KCNMB2: variants seen among roughly 807,000 people sequenced by gnomAD.
KCNMB2 encodes the protein calcium-activated potassium channel subunit beta-2.
Under a neutral mutation model 24.5 loss-of-function variants are expected in KCNMB2, and 9 were observed. The observed-to-expected ratio is 0.37, with a 90% CI of 0.22 to 0.64. The LOEUF (loss-of-function observed/expected upper bound fraction) is 0.64, where lower values mean the gene tolerates loss of function less well. Among genes scored for constraint, KCNMB2 ranks in the 30% least tolerant of loss-of-function variants. The pLI, the probability that KCNMB2 is intolerant of heterozygous loss-of-function variation, is 0.63. For missense variants in KCNMB2, 226 were observed against 284.3 expected (o/e 0.79, Z 1.47); for synonymous variants, 109 against 104.4 (o/e 1.04, Z -0.27).
intron 1 of KCNMB2, among the ~76,000 whole-genome samples, chr3:178,595,078 A>C (rs1717820073): frequency 6.8e-6 from 1 of 146,150 alleles, no homozygotes; most frequent in African/African-American, 2.6e-5. Context: ...AAAAAAAATC[A>C]ATACATCAAT....
At chr3:178,608,271 A>G (rs557029704) in intron 1 of KCNMB2, among the ~76,000 whole-genome samples, 7 of 152,340 alleles carry the variant, frequency 4.6e-5, no homozygotes, top group African/African-American at 1.7e-4. Flanking sequence ...GGCTGGCAAT[A>G]ATCATTTATT....
intron 1 of KCNMB2, among the ~76,000 whole-genome samples, chr3:178,542,133 G>A (rs566664147): frequency 1.4e-4 from 22 of 152,166 alleles, no homozygotes; most frequent in Non-Finnish European, 2.6e-4. Context: ...CTGTAAGGGC[G>A]CATCCTTCTA....
intron 1 of KCNMB2, among the ~76,000 whole-genome samples, chr3:178,550,457 CAAAAAAAAA>C (rs71671909): frequency 2.2e-5 from 1 of 46,020 alleles, no homozygotes; most frequent in Non-Finnish European, 4.1e-5. Flanking sequence ...GACTCCGTCT[CAAAAAAAAA>C]AAAAAAAAAA....
At chr3:178,701,947 A>C (rs1184887595) in intron 1 of KCNMB2, among the ~76,000 whole-genome samples, 1 of 152,132 alleles carries the variant, frequency 6.6e-6, no homozygotes, top group Admixed American at 6.5e-5. Flanking sequence ...TACCCAATGG[A>C]ATATAAATCA....
intron 4 of KCNMB2, among the ~76,000 whole-genome samples, chr3:178,832,225 A>G (rs1715080792): frequency 6.6e-6 from 1 of 152,132 alleles, no homozygotes; most frequent in Non-Finnish European, 1.5e-5. Context: ...GGAAGGACAC[A>G]TTCACTGAGT....
At chr3:178,759,699 C>T (rs1205591080) in intron 1 of KCNMB2, among the ~76,000 whole-genome samples, 9 of 83,276 alleles carry the variant, frequency 1.1e-4, no homozygotes, top group Admixed American at 4.3e-4. Context: ...TATATATACA[C>T]ATATATATAT....
At chr3:178,583,930 A>G (rs1307566079) in intron 1 of KCNMB2, among the ~76,000 whole-genome samples, 1 of 152,204 alleles carries the variant, frequency 6.6e-6, no homozygotes, top group African/African-American at 2.4e-5. Context: ...GGAAGAATTA[A>G]CCGGAGGTCT....
At chr3:178,823,771 C>A (rs1202463270) in intron 2 of KCNMB2, among the ~76,000 whole-genome samples, 1 of 152,186 alleles carries the variant, frequency 6.6e-6, no homozygotes, top group Non-Finnish European at 1.5e-5. Flanking sequence ...GCGCAAACAA[C>A]AGGCATATCT....
At chr3:178,582,331 G>A (rs1389223939) in intron 1 of KCNMB2, among the ~76,000 whole-genome samples, 3 of 152,134 alleles carry the variant, frequency 2.0e-5, no homozygotes, top group Non-Finnish European at 2.9e-5. Flanking sequence ...GTTGACACAG[G>A]GAGAGAACAT....
intron 4 of KCNMB2, among the ~76,000 whole-genome samples, chr3:178,831,396 A>G (rs186995470): frequency 1.5e-3 from 232 of 152,322 alleles, no homozygotes; most frequent in African/African-American, 5.5e-3. Context: ...AGTATTGGGT[A>G]TATACCCTGA....
chr3:178,795,923 T>G (rs1293069399), intron 1 of KCNMB2, among the ~76,000 whole-genome samples: 2 of 152,174 alleles, frequency 1.3e-5, no homozygotes, highest in Admixed American at 1.3e-4. Context: ...GAAATTAAAT[T>G]TAATATTTGT....
intron 1 of KCNMB2, among the ~76,000 whole-genome samples, chr3:178,780,453 TATG>T (rs920819989): frequency 5.9e-5 from 9 of 152,216 alleles, no homozygotes; most frequent in African/African-American, 2.2e-4. Context: ...TCCTCATGAA[TATG>T]ATGACAGATA....
intron 1 of KCNMB2, among the ~76,000 whole-genome samples, chr3:178,708,770 C>G (rs1469927360): frequency 1.3e-5 from 2 of 152,072 alleles, no homozygotes; most frequent in Non-Finnish European, 2.9e-5. Context: ...GATATTGAAG[C>G]TTAGTAAGAG....
chr3:178,825,457 C>A, intron 2 of KCNMB2, 131 bp from the exon 3 acceptor site: 1 of 639,576 alleles, frequency 1.6e-6, no homozygotes, highest in South Asian at 1.9e-5. Context: ...GTAGTGGACA[C>A]ACACTGAGGT....
At chr3:178,608,166 A>C (rs1718345909) in intron 1 of KCNMB2, among the ~76,000 whole-genome samples, 1 of 152,216 alleles carries the variant, frequency 6.6e-6, no homozygotes, top group African/African-American at 2.4e-5. Flanking sequence ...AACAGACACT[A>C]TGAATGCTTT....
At chr3:178,639,320 T>A (rs956246650) in intron 1 of KCNMB2, among the ~76,000 whole-genome samples, 7 of 152,186 alleles carry the variant, frequency 4.6e-5, no homozygotes, top group Non-Finnish European at 8.8e-5. Context: ...TATCCAAGGT[T>A]AAACAGCTAA....
At chr3:178,730,402 AACACCCCCCC>A (rs1385769731) in intron 1 of KCNMB2, among the ~76,000 whole-genome samples, 1 of 73,482 alleles carries the variant, frequency 1.4e-5, no homozygotes, top group Non-Finnish European at 2.6e-5. Flanking sequence ...ACTGTCCCCC[AACACCCCCCC>A]ACACACACAC....
chr3:178,771,473 C>CTTTTTTTTTTTTTTTTTTTTTT (rs66694279), intron 1 of KCNMB2, among the ~76,000 whole-genome samples: 1 of 87,516 alleles, frequency 1.1e-5, no homozygotes, highest in Non-Finnish European at 2.1e-5. Flanking sequence ...TTCTTTCTTT[C>CTTTTTTTTTTTTTTTTTTTTTT]TTTTTTTTTT....
intron 1 of KCNMB2, among the ~76,000 whole-genome samples, chr3:178,644,696 T>C (rs1353218417): frequency 2.0e-5 from 3 of 152,232 alleles, no homozygotes; most frequent in African/African-American, 7.2e-5. Flanking sequence ...CCCATGCTTT[T>C]ATTTTCGCAC....
Sources: allele counts gnomAD v4.1 joint callset (sites outside exome capture counted in the v4.1 genomes callset), GRCh38; gene constraint gnomAD v4.1.1; transcripts MANE v1.5; gene names NCBI Gene and HGNC (gene_info 2026-07-23, HGNC 2026-07-21).